The following CLDN16 variants were observed in gnomAD, a reference collection of about 807,000 sequenced individuals.
CLDN16 encodes claudin-16.
In CLDN16, 13 loss-of-function variants were observed where a neutral mutation model predicts 24.6. The ratio of observed to expected loss-of-function variants is 0.53; its 90% CI spans 0.34 to 0.84. The LOEUF (loss-of-function observed/expected upper bound fraction) is 0.84. CLDN16 is among the 40% of genes least tolerant of loss of function. CLDN16 has a pLI of 0.01. For missense variants in CLDN16, 298 were observed against 292.7 expected (o/e 1.02, Z -0.13); for synonymous variants, 116 against 106.7 (o/e 1.09, Z -0.54).
chr3:190,378,105 A>T (rs1718283470), intron 3 of CLDN16, among the ~76,000 whole-genome samples: 1 of 152,052 alleles, frequency 6.6e-6, no homozygotes, highest in Non-Finnish European at 1.5e-5. Context: ...CACCCCAATC[A>T]TCTGTTTCCT....
At chr3:190,395,420 A>T (rs1409684275) in intron 1 of CLDN16, among the ~76,000 whole-genome samples, 1 of 152,056 alleles carries the variant, frequency 6.6e-6, no homozygotes, top group Non-Finnish European at 1.5e-5. Flanking sequence ...TAAGGCCTGT[A>T]TTGACTCCAT....
upstream of CLDN16, chr3:190,322,309 A>C: frequency 9.6e-7 from 1 of 1,039,054 alleles, no homozygotes. Flanking sequence ...GGCCCCGCGG[A>C]GGAAGTTAAG....
chr3:190,406,960 T>C (rs1291934328), intron 3 of CLDN16, among the ~76,000 whole-genome samples: 1 of 152,074 alleles, frequency 6.6e-6, no homozygotes, highest in Non-Finnish European at 1.5e-5. Flanking sequence ...CAGGATGGTC[T>C]CAATCTCTTG....
intron 1 of CLDN16, among the ~76,000 whole-genome samples, chr3:190,354,953 A>G (rs16865409): frequency 2.0e-5 from 3 of 151,926 alleles, no homozygotes; most frequent in Admixed American, 6.6e-5. Context: ...CAAGTGCCTA[A>G]CAAGTGGTTT....
At chr3:190,290,495 T>C in the CLDN16 span, among the ~76,000 whole-genome samples, 1 of 152,156 alleles carries the variant, frequency 6.6e-6, no homozygotes, top group African/African-American at 2.4e-5. Context: ...TGGAAGACAA[T>C]TTTAAGGAAA....
At chr3:190,364,063 T>A (rs1190630519) in intron 1 of CLDN16, among the ~76,000 whole-genome samples, 1 of 131,002 alleles carries the variant, frequency 7.6e-6, no homozygotes, top group Admixed American at 7.5e-5. Context: ...ATGGTCCTTT[T>A]TATTTTTTTT....
chr3:190,383,103 C>A (rs927021016), intron 3 of CLDN16, among the ~76,000 whole-genome samples: 1 of 152,080 alleles, frequency 6.6e-6, no homozygotes, highest in Non-Finnish European at 1.5e-5. Context: ...GCCGGAGTTG[C>A]AAAAATGGTG....
intron 1 of CLDN16, among the ~76,000 whole-genome samples, chr3:190,331,392 T>C (rs553999021): frequency 2.5e-4 from 38 of 152,328 alleles, no homozygotes; most frequent in African/African-American, 9.1e-4. Context: ...TATTATTTGG[T>C]AAAAATTGTC....
chr3:190,402,258 C>T (rs1718980900), intron 1 of CLDN16, 79 bp from the exon 2 acceptor site: 1 of 1,098,536 alleles, frequency 9.1e-7, no homozygotes, highest in East Asian at 2.4e-5. Context: ...AACACAACCA[C>T]CAACTTCTCT....
the CLDN16 span, among the ~76,000 whole-genome samples, chr3:190,313,599 T>C: frequency 2.6e-5 from 4 of 152,274 alleles, no homozygotes; most frequent in Non-Finnish European, 5.9e-5. Flanking sequence ...GTGATGTGAA[T>C]AGGAGGAGTG....
intron 1 of CLDN16, among the ~76,000 whole-genome samples, chr3:190,358,185 A>G (rs1717816167): frequency 6.6e-6 from 1 of 151,868 alleles, no homozygotes. Flanking sequence ...TTGCTTTGTG[A>G]TTTAGGAGAA....
At chr3:190,348,165 G>T (rs1717593545) in intron 1 of CLDN16, among the ~76,000 whole-genome samples, 1 of 143,854 alleles carries the variant, frequency 7.0e-6, no homozygotes, top group Non-Finnish European at 1.5e-5. Context: ...TGAGGCAGGA[G>T]AATTGCTTGA....
At chr3:190,380,815 T>C (rs137901373) in intron 3 of CLDN16, among the ~76,000 whole-genome samples, 12 of 151,990 alleles carry the variant, frequency 7.9e-5, no homozygotes, top group African/African-American at 2.6e-4. Flanking sequence ...ATTAGTAAAA[T>C]TTTTAGTTGT....
rs549804562 is a variant in CLDN16, at chr3:190,369,066, C to G, written n.122-1827C>G. On this transcript the variant is annotated intron_variant and non_coding_transcript_variant, in intron 1 of 4. Transcript: ENST00000468220. ...ATAGATCTTAACCTGATTAGCCCTC[C>G]TTTCCATTGTTCTGGGTTATGCAGT... Among the ~76,000 whole-genome samples the G allele has an allele frequency of 5.9e-5, 9 of 152,054 alleles. No homozygotes were observed. In the South Asian group the frequency reaches 1.5e-3, roughly 25 times the overall value.
At chr3:190,384,423 T>C (rs576775640), upstream of CLDN16, among the ~76,000 whole-genome samples, 1 of 152,282 alleles carries the variant, frequency 6.6e-6, no homozygotes, top group South Asian at 2.1e-4. Context: ...ACAACTGCAA[T>C]ACTTCCAGTT....
intron 1 of CLDN16, among the ~76,000 whole-genome samples, chr3:190,349,374 T>C (rs1022504891): frequency 2.6e-5 from 4 of 152,300 alleles, no homozygotes; most frequent in East Asian, 1.9e-4. Context: ...TCTGCCATGA[T>C]TGTAAGTTTC....
At chr3:190,373,010 T>C (rs1411880871) in intron 2 of CLDN16, among the ~76,000 whole-genome samples, 1 of 151,978 alleles carries the variant, frequency 6.6e-6, no homozygotes, top group Non-Finnish European at 1.5e-5. Context: ...TGCCTGACTC[T>C]TCAAAGGGCA....
At chr3:190,297,483 A>G in the CLDN16 span, among the ~76,000 whole-genome samples, 3 of 126,258 alleles carry the variant, frequency 2.4e-5, no homozygotes, top group Non-Finnish European at 4.7e-5. Flanking sequence ...TTATCTATAT[A>G]TTATATATCT....
the CLDN16 span, among the ~76,000 whole-genome samples, chr3:190,304,727 A>T: frequency 0.12 from 18,621 of 152,200 alleles, 1,682 homozygotes; most frequent in East Asian, 0.5. Context: ...ATTCAGAGAC[A>T]TTACACGTGA....
Sources: allele counts gnomAD v4.1 joint callset (sites outside exome capture counted in the v4.1 genomes callset), GRCh38; gene constraint gnomAD v4.1.1; transcripts MANE v1.5; gene names NCBI Gene and HGNC (gene_info 2026-07-23, HGNC 2026-07-21).